WDR27: variants seen among roughly 807,000 people sequenced by gnomAD.
The protein encoded by WDR27 is WD repeat domain 27, also known as WD repeat-containing protein 27.
A neutral mutation model predicts 114.4 loss-of-function variants in WDR27; 100 were observed. That is an observed-to-expected ratio of 0.87 (90% confidence interval 0.74 to 1.03). WDR27 has a LOEUF of 1.03. Ranked by LOEUF, WDR27 falls within the 50% of genes least tolerant of loss-of-function variation. The pLI, the probability that WDR27 is intolerant of heterozygous loss-of-function variation, is 0.00. For synonymous variants in WDR27, 449 were observed against 423.1 expected (o/e 1.06, Z -0.75); for missense variants, 1,129 against 1,092.9 (o/e 1.03, Z -0.47).
chr6:169,570,216 G>A (rs549032784), intron 25 of WDR27, among the ~76,000 whole-genome samples: 1 of 152,270 alleles, frequency 6.6e-6, no homozygotes, highest in East Asian at 1.9e-4. Context: ...GGGGTTGGGG[G>A]GTGGTTTAGT....
chr6:169,684,966 G>A lies in WDR27; in HGVS notation c.189+3851C>T, dbSNP rs1782524810. On this transcript the variant is annotated intron_variant, in intron 2 of 25. Coordinates refer to ENST00000448612, the MANE Select transcript of WDR27 (RefSeq NM_182552.5). The surrounding 1 kb of genome is among the most constrained non-coding windows in gnomAD (Gnocchi z 4.3). ...GTGTACATGTGTACCCCCAACCTGAGAAATACCAGGTGAACCCATCCTTGG... is the reference window on the plus strand; with the variant it reads ...GTGTACATGTGTACCCCCAACCTGAAAAATACCAGGTGAACCCATCCTTGG... 1.3e-5 allele frequency among the ~76,000 whole-genome samples: 2 copies of A among 152,120 alleles called. No homozygotes were observed. The highest frequency in any genetic ancestry group is 2.9e-5 in the Non-Finnish European group (2 of 68,020).
chr6:169,643,036 G>C (rs1159481544), intron 17 of WDR27, among the ~76,000 whole-genome samples: 2 of 152,146 alleles, frequency 1.3e-5, no homozygotes, highest in Admixed American at 6.5e-5. Flanking sequence ...TCTGGATTTG[G>C]GGGTATTTGG....
chr6:169,669,842 C>T (rs1001458465), intron 4 of WDR27: 2 of 152,150 alleles, frequency 1.3e-5, no homozygotes, highest in Non-Finnish European at 2.9e-5. Context: ...TCTCCCAAAA[C>T]GCCTATTACA....
chr6:169,638,322 C>CAAAAAAAAAAAAAAAAA (rs60501000), intron 18 of WDR27, among the ~76,000 whole-genome samples: 1 of 11,062 alleles, frequency 9.0e-5, no homozygotes, highest in African/African-American at 2.1e-4. Flanking sequence ...GACTCCGTCT[C>CAAAAAAAAAAAAAAAAA]AAAAAAAAAA....
At chr6:169,436,270 G>T in the WDR27 span, among the ~76,000 whole-genome samples, 1 of 152,244 alleles carries the variant, frequency 6.6e-6, no homozygotes, top group South Asian at 2.1e-4. Context: ...GCTGTTTTCA[G>T]AATTGTCAGC....
At chr6:169,671,670 AC>A (rs1057034856) in intron 3 of WDR27, 3 of 151,444 alleles carry the variant, frequency 2.0e-5, no homozygotes, top group African/African-American at 7.3e-5. Context: ...TCTCACCCTC[AC>A]CCTCAGCGCA....
intron 6 of WDR27, chr6:169,666,542 G>T: frequency 1.0e-6 from 1 of 985,544 alleles, no homozygotes; most frequent in Non-Finnish European, 1.2e-6. Context: ...ACAAGCACAG[G>T]GGCTGCACGG....
intron 25 of WDR27, among the ~76,000 whole-genome samples, chr6:169,550,500 A>T (rs1277464900): frequency 6.8e-6 from 1 of 147,586 alleles, no homozygotes. Context: ...GCTCATTGCA[A>T]CCTCCACCTC....
At chr6:169,506,347 T>C (rs2115508367) in intron 25 of WDR27, among the ~76,000 whole-genome samples, 1 of 152,326 alleles carries the variant, frequency 6.6e-6, no homozygotes, top group South Asian at 2.1e-4. Flanking sequence ...ACTGTAAATT[T>C]TAATCTGTTA....
At chr6:169,688,166 C>T (rs573841369) in intron 2 of WDR27, among the ~76,000 whole-genome samples, 7 of 152,072 alleles carry the variant, frequency 4.6e-5, no homozygotes, top group East Asian at 1.9e-4. Flanking sequence ...CTTTCAAAAA[C>T]GGCACAGTGG....
chr6:169,607,602 A>G (rs1250553204), intron 22 of WDR27, among the ~76,000 whole-genome samples: 5 of 152,152 alleles, frequency 3.3e-5, no homozygotes, highest in Admixed American at 3.3e-4. Context: ...AGAGTATGAA[A>G]CCATAGACAC....
the WDR27 span, among the ~76,000 whole-genome samples, chr6:169,447,071 T>C: frequency 1.3e-5 from 2 of 152,376 alleles, 1 homozygote; most frequent in South Asian, 4.1e-4. Flanking sequence ...CTAATGGCAC[T>C]TTTAAAAATC....
chr6:169,576,914 T>C (rs1211697962), intron 24 of WDR27, among the ~76,000 whole-genome samples: 11 of 152,140 alleles, frequency 7.2e-5, no homozygotes, highest in Non-Finnish European at 8.8e-5. Flanking sequence ...AGAAAGATGG[T>C]AACTTTCCTC....
At chr6:169,563,705 A>G (rs1341536832) in intron 25 of WDR27, among the ~76,000 whole-genome samples, 1 of 152,198 alleles carries the variant, frequency 6.6e-6, no homozygotes, top group African/African-American at 2.4e-5. Context: ...TTATTTTACA[A>G]TTTAAAAATC....
chr6:169,466,312 GT>G (rs1785580204), intron 25 of WDR27, among the ~76,000 whole-genome samples: 1 of 152,182 alleles, frequency 6.6e-6, no homozygotes. Flanking sequence ...CTGAGACTGG[GT>G]AATTTATAAA....
intron 22 of WDR27, 33 bp from the exon 23 acceptor site, chr6:169,602,354 T>A (rs781501057): frequency 1.4e-6 from 2 of 1,425,858 alleles, no homozygotes; most frequent in South Asian, 1.3e-5. Context: ...AGGAGAAAAA[T>A]CATTTTAAAA....
At chr6:169,562,104 T>A (rs914189393) in intron 25 of WDR27, among the ~76,000 whole-genome samples, 7 of 152,150 alleles carry the variant, frequency 4.6e-5, no homozygotes, top group Admixed American at 2.6e-4. Context: ...AGAGGTATAG[T>A]CAGAGATTTC....
chr6:169,654,813 G>A (rs1269995202), intron 13 of WDR27, among the ~76,000 whole-genome samples: 1 of 152,036 alleles, frequency 6.6e-6, no homozygotes, highest in African/African-American at 2.4e-5. Flanking sequence ...CTCAGGAGGA[G>A]GAGGGGCGCT....
intron 25 of WDR27, among the ~76,000 whole-genome samples, chr6:169,475,122 AT>A (rs1274512065): frequency 2.6e-5 from 4 of 152,320 alleles, no homozygotes; most frequent in East Asian, 1.9e-4. Context: ...ACTACATTAC[AT>A]TTTTTTGTCA....
Sources: gnomAD v4.1 joint callset for allele counts (sites outside exome capture counted in the v4.1 genomes callset) on GRCh38, gnomAD v4.1.1 for gene constraint, Gnocchi (gnomAD v3.1) non-coding constraint, MANE v1.5 for transcripts, NCBI Gene and HGNC (gene_info 2026-07-23, HGNC 2026-07-21) for gene names.